The following CACNA2D3 variants were observed in gnomAD, a reference collection of about 807,000 sequenced individuals.
CACNA2D3 encodes voltage-dependent calcium channel subunit alpha-2/delta-3.
CACNA2D3 carries 60 observed loss-of-function variants against 160.6 expected under a neutral mutation model. The ratio of observed to expected loss-of-function variants is 0.37; its 90% CI spans 0.30 to 0.46. The LOEUF (loss-of-function observed/expected upper bound fraction) is 0.46, where lower values mean the gene tolerates loss of function less well. Ranked by LOEUF, CACNA2D3 falls within the 20% of genes least tolerant of loss-of-function variation. CACNA2D3 has a pLI of 1.00. For synonymous variants in CACNA2D3, 558 were observed against 492.9 expected, an observed-to-expected ratio of 1.13 and a Z score of -1.75; for missense variants, 1,205 against 1,365.0, an observed-to-expected ratio of 0.88 and a Z score of 1.85.
chr3:54,220,254 A>C (rs1428940144), intron 2 of CACNA2D3, among the ~76,000 whole-genome samples: 2 of 152,176 alleles, frequency 1.3e-5, no homozygotes, highest in Non-Finnish European at 2.9e-5. Context: ...TTGCAAGCGC[A>C]TTTGAGACAT....
At position 54,656,024 on chromosome 3, in the gene CACNA2D3, T is replaced by G. The variant is rs538948471; in HGVS notation, c.1167+13783T>G. On this transcript the variant is annotated intron_variant, in intron 11 of 37. Transcript: ENST00000474759. ...CTTGCAGGGTTGTTTTTGGGCAGAT[T>G]AGTAGTGCCCAGTGTCTACTGAGTC... is the stretch of plus-strand genomic sequence containing the variant. Among the ~76,000 whole-genome samples the G allele has an allele frequency of 1.6e-4, 25 of 152,172 alleles. No individual in the cohort carries two copies. In the South Asian group the frequency reaches 5.2e-3, roughly 32 times the overall value.
intron 27 of CACNA2D3, among the ~76,000 whole-genome samples, chr3:54,949,073 A>C (rs1701689426): frequency 6.6e-6 from 1 of 152,158 alleles, no homozygotes; most frequent in African/African-American, 2.4e-5. Context: ...GGCCTTCCTC[A>C]TCCAGTGCCC....
At chr3:54,148,836 G>T (rs1038732959) in intron 2 of CACNA2D3, among the ~76,000 whole-genome samples, 1 of 151,992 alleles carries the variant, frequency 6.6e-6, no homozygotes, top group Non-Finnish European at 1.5e-5. Context: ...AATTAGCCGG[G>T]TGTGGTGGTG....
chr3:54,484,958 T>G (rs1324800787), intron 4 of CACNA2D3, among the ~76,000 whole-genome samples: 1 of 152,026 alleles, frequency 6.6e-6, no homozygotes, highest in Non-Finnish European at 1.5e-5. Context: ...GCAATTCTCC[T>G]GCCTCAGCCT....
At chr3:54,576,777 A>G (rs988918047) in intron 8 of CACNA2D3, among the ~76,000 whole-genome samples, 1 of 152,148 alleles carries the variant, frequency 6.6e-6, no homozygotes, top group African/African-American at 2.4e-5. Context: ...GCTCATGCCT[A>G]TAATCCTAGT....
intron 11 of CACNA2D3, among the ~76,000 whole-genome samples, chr3:54,697,128 A>G (rs993787199): frequency 6.6e-6 from 1 of 152,144 alleles, no homozygotes; most frequent in African/African-American, 2.4e-5. Flanking sequence ...AATACAAAAC[A>G]TTAGCCAGGC....
chr3:54,458,107 C>T (rs1047080789), intron 4 of CACNA2D3, among the ~76,000 whole-genome samples: 6 of 151,988 alleles, frequency 3.9e-5, no homozygotes, highest in East Asian at 1.9e-4. Context: ...TGAGAACTTA[C>T]TCCTGTCATT....
intron 4 of CACNA2D3, among the ~76,000 whole-genome samples, chr3:54,491,330 T>A (rs933974630): frequency 6.6e-6 from 1 of 152,216 alleles, no homozygotes; most frequent in Admixed American, 6.5e-5. Flanking sequence ...CGCCACAATG[T>A]GTGGAGCCTA....
chr3:54,420,205 C>T (rs1301365194), intron 4 of CACNA2D3, among the ~76,000 whole-genome samples: 1 of 152,160 alleles, frequency 6.6e-6, no homozygotes, highest in East Asian at 1.9e-4. Context: ...CTGCCTCAGC[C>T]TCCTGAGTAG....
chr3:54,234,220 T>C (rs138149085), intron 2 of CACNA2D3, among the ~76,000 whole-genome samples: 3 of 152,074 alleles, frequency 2.0e-5, no homozygotes, highest in African/African-American at 7.2e-5. Context: ...AAGACATACA[T>C]GCAGCCAACA....
intron 2 of CACNA2D3, among the ~76,000 whole-genome samples, chr3:54,212,697 C>G (rs933672963): frequency 2.0e-5 from 3 of 152,090 alleles, no homozygotes; most frequent in African/African-American, 7.2e-5. Context: ...TTGGAATGCC[C>G]TTGGCTGAGA....
rs1698869275 is a variant in CACNA2D3, at chr3:54,368,719, T to TG, written c.322-17995dup. Among the ~76,000 whole-genome samples, 3 of 142,102 alleles carry TG rather than the reference T, an allele frequency of 2.1e-5. No homozygotes were observed. In the Admixed American group the frequency reaches 2.1e-4, roughly 10 times the overall value. The allele number at this position is 142,102 out of a possible 152,430, so 93.2% of individuals were successfully genotyped here. A position where few individuals can be genotyped will look rare whatever the true frequency, so the allele number is the denominator to read the frequency against. ...TTTTTTTTTTTTTTTTTTTTTTTTTTGAGGCGGAGTCTCACTCTGTCACCC... is the reference window on the plus strand; with the variant it reads ...TTTTTTTTTTTTTTTTTTTTTTTTTTGGAGGCGGAGTCTCACTCTGTCACCC... On this transcript the variant is annotated intron_variant, in intron 3 of 37. Coordinates refer to ENST00000474759, the MANE Select transcript of CACNA2D3 (RefSeq NM_018398.3).
At chr3:54,171,341 C>T (rs1238507462) in intron 2 of CACNA2D3, among the ~76,000 whole-genome samples, 2 of 151,598 alleles carry the variant, frequency 1.3e-5, no homozygotes, top group Middle Eastern at 3.2e-3. Context: ...CTGCAGTCTT[C>T]GTGGTTGTAG....
chr3:54,269,162 G>C (rs7616934), intron 2 of CACNA2D3, among the ~76,000 whole-genome samples: 106,723 of 151,854 alleles, frequency 0.7, 38,111 homozygotes, highest in African/African-American at 0.84. Context: ...TGAGTGATCG[G>C]TACAGGTACA....
intron 5 of CACNA2D3, among the ~76,000 whole-genome samples, chr3:54,532,803 T>G (rs574468569): frequency 6.6e-6 from 1 of 152,316 alleles, no homozygotes; most frequent in South Asian, 2.1e-4. Context: ...TTCTTTTCCT[T>G]TGGGTGTGTA....
intron 2 of CACNA2D3, among the ~76,000 whole-genome samples, chr3:54,188,735 A>T (rs1270526779): frequency 6.6e-6 from 1 of 152,216 alleles, no homozygotes; most frequent in East Asian, 1.9e-4. Flanking sequence ...GATAATGAAC[A>T]CAGGGCCCCT....
At chr3:54,567,215 T>G (rs1702422503) in intron 6 of CACNA2D3, among the ~76,000 whole-genome samples, 2 of 152,314 alleles carry the variant, frequency 1.3e-5, no homozygotes, top group African/African-American at 2.4e-5. Context: ...TCAGAAGACA[T>G]TTTACAGCCA....
intron 27 of CACNA2D3, among the ~76,000 whole-genome samples, chr3:54,916,679 C>T (rs1442701101): frequency 1.3e-5 from 2 of 152,094 alleles, no homozygotes; most frequent in African/African-American, 4.8e-5. Flanking sequence ...GAGGTGCATC[C>T]GTGTGAGACC....
At chr3:54,661,337 A>T (rs1003838584) in intron 11 of CACNA2D3, among the ~76,000 whole-genome samples, 4 of 152,306 alleles carry the variant, frequency 2.6e-5, no homozygotes, top group African/African-American at 9.6e-5. Flanking sequence ...TTTTGCTTTC[A>T]GATGATGTGT....
Sources: allele counts gnomAD v4.1 joint callset (sites outside exome capture counted in the v4.1 genomes callset), GRCh38; gene constraint gnomAD v4.1.1; transcripts MANE v1.5; gene names NCBI Gene and HGNC (gene_info 2026-07-23, HGNC 2026-07-21).